The following FMN1 variants were observed in gnomAD, a reference collection of about 807,000 sequenced individuals.
FMN1 encodes formin-1.
In FMN1, 110 loss-of-function variants were observed where a neutral mutation model predicts 132.4. That is an observed-to-expected ratio of 0.83 (90% CI 0.71 to 0.97). FMN1 has a LOEUF of 0.97. Ranked by LOEUF, FMN1 falls within the 50% of genes least tolerant of loss-of-function variation. The pLI is 0.00. For missense variants in FMN1, 1,792 were observed against 1,705.3 expected, an observed-to-expected ratio of 1.05 and a Z score of -0.90; for synonymous variants, 722 against 651.7, an observed-to-expected ratio of 1.11 and a Z score of -1.64.
rs531378542 is a variant in FMN1 at position 32,770,147 on chromosome 15, A to G, written c.*4163T>C. On this transcript the variant is annotated 3_prime_UTR_variant, in exon 21 of 21. Transcript: ENST00000616417. ...GTTTTTGTGGATGGAGATGAGTACT[A>G]CAAAATTGACCAATTTAGTATGTCA... 1 of 152,278 alleles carries G rather than the reference A, an allele frequency of 6.6e-6. No individual in the cohort carries two copies. The highest frequency in any genetic ancestry group is 1.9e-4 in the East Asian group (1 of 5,182). 9.4% of individuals were successfully genotyped at this position (152,278 alleles called of 1,614,324 possible). A position where few individuals can be genotyped will look rare whatever the true frequency, so the allele number is the denominator to read the frequency against.
At chr15:32,946,056 A>T (rs1432145656) in intron 9 of FMN1, among the ~76,000 whole-genome samples, 1 of 152,216 alleles carries the variant, frequency 6.6e-6, no homozygotes, top group Non-Finnish European at 1.5e-5. Context: ...CCATGAATAT[A>T]AAATAAATAT....
chr15:32,929,242 T>C (rs2061041567), intron 9 of FMN1, among the ~76,000 whole-genome samples: 1 of 152,220 alleles, frequency 6.6e-6, no homozygotes, highest in Non-Finnish European at 1.5e-5. Flanking sequence ...TACTTTTAAG[T>C]AAATTTTCAA....
intron 19 of FMN1, among the ~76,000 whole-genome samples, chr15:32,785,214 ATATATTTTTTT>A (rs1487775543): frequency 4.5e-5 from 1 of 22,130 alleles, no homozygotes; most frequent in African/African-American, 1.5e-4. Flanking sequence ...ATATATATAT[ATATATTTTTTT>A]TTTTTTTTTT....
At chr15:33,167,455 A>G (rs1017332282) in intron 3 of FMN1, among the ~76,000 whole-genome samples, 6 of 152,204 alleles carry the variant, frequency 3.9e-5, no homozygotes, top group Admixed American at 3.9e-4. Flanking sequence ...TATTAGCAGT[A>G]TGACAACAGA....
chr15:33,187,698 C>T (rs549685479), intron 2 of FMN1, among the ~76,000 whole-genome samples: 5 of 152,252 alleles, frequency 3.3e-5, no homozygotes, highest in African/African-American at 1.2e-4. Flanking sequence ...ACCAGAAGGT[C>T]CCTCTTCCCA....
chr15:33,140,544 CAT>C (rs1451149637), intron 4 of FMN1, among the ~76,000 whole-genome samples: 1 of 152,202 alleles, frequency 6.6e-6, no homozygotes, highest in African/African-American at 2.4e-5. Flanking sequence ...CACAGAGAAA[CAT>C]ATGATTCCTG....
intron 4 of FMN1, among the ~76,000 whole-genome samples, chr15:33,145,205 A>G (rs888632051): frequency 1.3e-5 from 2 of 152,028 alleles, no homozygotes; most frequent in Non-Finnish European, 1.5e-5. Flanking sequence ...TGATGCTTCC[A>G]AAATGGGCAC....
intron 17 of FMN1, among the ~76,000 whole-genome samples, chr15:32,834,004 C>A (rs891346084): frequency 5.2e-4 from 79 of 152,266 alleles, no homozygotes; most frequent in African/African-American, 1.8e-3. Flanking sequence ...TTCACCCTGA[C>A]CCTTCTCATC....
At chr15:33,041,629 T>C (rs2036444756) in intron 6 of FMN1, among the ~76,000 whole-genome samples, 1 of 152,028 alleles carries the variant, frequency 6.6e-6, no homozygotes, top group Non-Finnish European at 1.5e-5. Flanking sequence ...TGCTCAACCT[T>C]ACTAATCATT....
intron 3 of FMN1, among the ~76,000 whole-genome samples, chr15:33,158,006 A>AAG (rs1188334191): frequency 9.3e-5 from 14 of 150,462 alleles, no homozygotes; most frequent in African/African-American, 3.5e-4. Flanking sequence ...AAAAAAAAAA[A>AAG]AAAAGAAAAA....
intron 4 of FMN1, 113 bp from the exon 5 acceptor site, chr15:33,089,087 T>A: frequency 1.2e-6 from 1 of 816,284 alleles, no homozygotes; most frequent in South Asian, 2.3e-5. Flanking sequence ...CTTACTTTGC[T>A]TTCTAAGTTA....
In FMN1 at chr15:33,048,614, G is replaced by A. The variant is rs1425053824; in HGVS notation, c.2161+16343C>T. On this transcript the variant is annotated intron_variant, in intron 6 of 20. Coordinates refer to ENST00000616417, the MANE Select transcript of FMN1 (RefSeq NM_001277313.2). ...TCATGCTGCTGATAAAGATACACTC[G>A]AGACTGGGCAATTTACCAAAAAAAA... Among the ~76,000 whole-genome samples, 65 of 32,156 alleles carry A rather than the reference G, an allele frequency of 2.0e-3. 1 individual carries two copies. Among genetic ancestry groups the A allele is most frequent in the Non-Finnish European group, 1.6e-3 (20 of 12,372 alleles). The allele number at this position is 32,156 out of a possible 152,430, so 21.1% of individuals were successfully genotyped here.
At chr15:33,095,568 A>AT (rs1023035974) in intron 4 of FMN1, among the ~76,000 whole-genome samples, 7 of 151,080 alleles carry the variant, frequency 4.6e-5, no homozygotes, top group East Asian at 3.9e-4. Context: ...CTAGTTTTTA[A>AT]TTTTTTTTTG....
intron 6 of FMN1, among the ~76,000 whole-genome samples, chr15:33,020,646 A>G (rs868660763): frequency 3.4e-5 from 5 of 148,902 alleles, no homozygotes; most frequent in African/African-American, 1.2e-4. Flanking sequence ...CTCAAAAAAA[A>G]AAAAAAAAAA....
At chr15:32,906,828 C>T (rs1159437452) in intron 12 of FMN1, among the ~76,000 whole-genome samples, 2 of 152,172 alleles carry the variant, frequency 1.3e-5, no homozygotes, top group African/African-American at 4.8e-5. Context: ...AAGGGAACCT[C>T]ACTTGACTTG....
At chr15:33,023,917 CTATA>C (rs2035541956) in intron 6 of FMN1, among the ~76,000 whole-genome samples, 1 of 152,024 alleles carries the variant, frequency 6.6e-6, no homozygotes, top group East Asian at 1.9e-4. Flanking sequence ...AGTGATTCAG[CTATA>C]TTAAAATATA....
chr15:33,055,776 G>C (rs1166098683), intron 6 of FMN1, among the ~76,000 whole-genome samples: 3 of 152,154 alleles, frequency 2.0e-5, no homozygotes, highest in Non-Finnish European at 4.4e-5. Context: ...AGATTCATTA[G>C]AGTAAAACTG....
intron 16 of FMN1, among the ~76,000 whole-genome samples, chr15:32,873,099 TCAGA>T (rs1209737750): frequency 6.6e-6 from 1 of 152,192 alleles, no homozygotes. Flanking sequence ...AATATTTGGC[TCAGA>T]CATTTAAAAA....
chr15:32,855,395 A>T (rs973941876), intron 17 of FMN1, among the ~76,000 whole-genome samples: 2 of 152,082 alleles, frequency 1.3e-5, no homozygotes, highest in Non-Finnish European at 2.9e-5. Context: ...CCCTCATATA[A>T]ATTCCCTTTC....
Sources: gnomAD v4.1 joint callset for allele counts (sites outside exome capture counted in the v4.1 genomes callset) on GRCh38, gnomAD v4.1.1 for gene constraint, MANE v1.5 for transcripts, NCBI Gene and HGNC (gene_info 2026-07-23, HGNC 2026-07-21) for gene names.